SCLT1: variants seen among roughly 807,000 people sequenced by gnomAD.
The protein encoded by SCLT1 is sodium channel and clathrin linker 1.
Under a neutral mutation model 112.8 loss-of-function variants are expected in SCLT1, and 78 were observed. The observed-to-expected ratio is 0.69, with a 90% CI of 0.58 to 0.83. The LOEUF is 0.83. SCLT1 is among the 40% of genes least tolerant of loss of function. The probability of loss-of-function intolerance (pLI) is 0.00; values close to 1 mark genes in which losing one functional copy is unlikely to be tolerated. For missense variants in SCLT1, 747 were observed against 770.4 expected, an observed-to-expected ratio of 0.97 and a Z score of 0.36; for synonymous variants, 257 against 254.7, an observed-to-expected ratio of 1.01 and a Z score of -0.09.
At chr4:129,055,629 A>G (rs1482789312) in intron 2 of SCLT1, among the ~76,000 whole-genome samples, 2 of 151,964 alleles carry the variant, frequency 1.3e-5, no homozygotes, top group African/African-American at 4.8e-5. Context: ...CCCCCAACCA[A>G]GCTCGTTCAT....
At chr4:128,956,983 G>T in intron 13 of SCLT1, 43 bp downstream of exon 13, 1 of 1,080,420 alleles carries the variant, frequency 9.3e-7, no homozygotes. Context: ...GTCTTTAGTT[G>T]TGACTTAAAT....
At chr4:128,892,230 A>G (rs1456320517) in intron 18 of SCLT1, among the ~76,000 whole-genome samples, 1 of 152,258 alleles carries the variant, frequency 6.6e-6, no homozygotes. Flanking sequence ...TTAAGGGTAC[A>G]TACAATGTAG....
At position 128,992,238 on chromosome 4, in the gene SCLT1, C is replaced by T; in HGVS notation, c.616-1G>A. Reference sequence around the variant, plus strand: ...CTGTTTTCAGAAACTGTTGGTTAGTCTGCCACAAGAAAAAAAAAGAATCAG... The same window carrying T: ...CTGTTTTCAGAAACTGTTGGTTAGTTTGCCACAAGAAAAAAAAAGAATCAG... On this transcript the variant is annotated splice_acceptor_variant, in intron 8 of 20. Transcript: ENST00000281142. LOFTEE classifies it high-confidence loss of function. 1 of 1,581,656 alleles carries T rather than the reference C, an allele frequency of 6.3e-7. No homozygotes were observed. Among genetic ancestry groups the T allele is most frequent in the Non-Finnish European group, 8.6e-7 (1 of 1,158,758 alleles).
intron 5 of SCLT1, among the ~76,000 whole-genome samples, chr4:129,024,378 A>G (rs1047941690): frequency 6.6e-6 from 1 of 152,154 alleles, no homozygotes; most frequent in African/African-American, 2.4e-5. Flanking sequence ...AGGCAGCAGC[A>G]TTCGCGATTC....
chr4:128,944,429 G>A (rs767364962), intron 16 of SCLT1, among the ~76,000 whole-genome samples: 4 of 152,110 alleles, frequency 2.6e-5, no homozygotes, highest in Admixed American at 2.0e-4. Context: ...AAGCCTCTGG[G>A]TCTAATTGCT....
intron 2 of SCLT1, among the ~76,000 whole-genome samples, chr4:129,069,393 C>A (rs549143663): frequency 2.0e-5 from 3 of 152,080 alleles, no homozygotes; most frequent in Non-Finnish European, 2.9e-5. Flanking sequence ...TTGATTCTAC[C>A]ATCCATGAGT....
chr4:128,992,326 AG>A, intron 8 of SCLT1, 89 bp from the exon 9 acceptor site: 1 of 780,664 alleles, frequency 1.3e-6, no homozygotes, highest in Non-Finnish European at 2.0e-6. Context: ...GTAGAAAAAA[AG>A]TTTAGTGAGA....
chr4:129,063,044 A>C (rs1750132566), intron 2 of SCLT1, among the ~76,000 whole-genome samples: 1 of 152,152 alleles, frequency 6.6e-6, no homozygotes, highest in Non-Finnish European at 1.5e-5. Context: ...ATGTCTCATA[A>C]ATATCTTAAG....
intron 17 of SCLT1, among the ~76,000 whole-genome samples, chr4:128,940,521 T>G (rs1318232183): frequency 6.6e-6 from 1 of 151,982 alleles, no homozygotes; most frequent in Non-Finnish European, 1.5e-5. Flanking sequence ...AATCATAGGG[T>G]GTATCAATAT....
At chr4:128,961,630 G>A (rs1317339144) in intron 11 of SCLT1, among the ~76,000 whole-genome samples, 1 of 152,004 alleles carries the variant, frequency 6.6e-6, no homozygotes, top group African/African-American at 2.4e-5. Context: ...TTTCTCATGT[G>A]TTTGGTAATT....
At chr4:129,027,575 G>A (rs1261177945) in intron 5 of SCLT1, among the ~76,000 whole-genome samples, 2 of 152,060 alleles carry the variant, frequency 1.3e-5, no homozygotes, top group East Asian at 1.9e-4. Flanking sequence ...ATATCATACT[G>A]AATGGGCAAA....
chr4:129,011,431 T>A (rs1273996646), intron 5 of SCLT1, among the ~76,000 whole-genome samples: 1 of 152,202 alleles, frequency 6.6e-6, no homozygotes, highest in Non-Finnish European at 1.5e-5. Flanking sequence ...GTTGGCCTCA[T>A]AAAATGAGTT....
intron 17 of SCLT1, among the ~76,000 whole-genome samples, chr4:128,939,789 A>G (rs1737526507): frequency 6.6e-6 from 1 of 152,186 alleles, no homozygotes; most frequent in Admixed American, 6.5e-5. Context: ...CTGACCTCCC[A>G]ATATCTCACT....
chr4:128,897,524 A>G (rs1279832008), intron 18 of SCLT1, among the ~76,000 whole-genome samples: 1 of 147,920 alleles, frequency 6.8e-6, no homozygotes, highest in Non-Finnish European at 1.5e-5. Flanking sequence ...TGAAGGAAGC[A>G]CTAAACATGG....
chr4:128,953,215 T>C (rs934003206), intron 13 of SCLT1, among the ~76,000 whole-genome samples: 3 of 152,216 alleles, frequency 2.0e-5, no homozygotes, highest in African/African-American at 4.8e-5. Context: ...CCGATTAACC[T>C]GAACAATATT....
In SCLT1 at chr4:128,925,431, C is replaced by T. The variant is rs188549897; in HGVS notation, c.1829+11224G>A. Among the ~76,000 whole-genome samples the T allele has an allele frequency of 3.9e-4, 59 of 152,106 alleles. 2 individuals carry two copies. The highest frequency in any genetic ancestry group is 3.1e-3 in the East Asian group (16 of 5,174). On this transcript the variant is annotated intron_variant, in intron 18 of 20. Coordinates refer to ENST00000281142, the MANE Select transcript of SCLT1 (RefSeq NM_144643.4). ...GATCTTGGCTCACTGCAACCTCTGC[C>T]TCCTGCCTCAGCCTCCCAAGTAGCT...
intron 13 of SCLT1, among the ~76,000 whole-genome samples, chr4:128,954,003 T>C (rs1367106753): frequency 6.6e-6 from 1 of 152,088 alleles, no homozygotes; most frequent in African/African-American, 2.4e-5. Context: ...AAGAAGACTA[T>C]TAATGTGCAC....
intron 1 of SCLT1, among the ~76,000 whole-genome samples, chr4:129,083,726 A>C (rs1246432053): frequency 6.6e-6 from 1 of 152,170 alleles, no homozygotes; most frequent in Non-Finnish European, 1.5e-5. Flanking sequence ...AGTATTTTGA[A>C]GTGAACAATA....
At chr4:128,937,165 C>T (rs777014048) in intron 17 of SCLT1, among the ~76,000 whole-genome samples, 7 of 151,838 alleles carry the variant, frequency 4.6e-5, no homozygotes, top group Non-Finnish European at 8.8e-5. Context: ...GTAATCCCAG[C>T]TACTCAGGAG....
Sources: gnomAD v4.1 joint callset for allele counts (sites outside exome capture counted in the v4.1 genomes callset) on GRCh38, gnomAD v4.1.1 for gene constraint, MANE v1.5 for transcripts, NCBI Gene and HGNC (gene_info 2026-07-23, HGNC 2026-07-21) for gene names.